Variants in CSMD3 observed in about 807,000 individuals in gnomAD.
The protein encoded by CSMD3 is CUB and sushi domain-containing protein 3.
Under a neutral mutation model 435.2 loss-of-function variants are expected in CSMD3, and 177 were observed. That is an observed-to-expected ratio of 0.41 (90% CI 0.36 to 0.46). The LOEUF (loss-of-function observed/expected upper bound fraction) is 0.46, where lower values mean the gene tolerates loss of function less well. Among genes scored for constraint, CSMD3 ranks in the 20% least tolerant of loss-of-function variants. The pLI is 0.34. For missense variants in CSMD3, 4,265 were observed against 4,504.6 expected, an observed-to-expected ratio of 0.95 and a Z score of 1.52; for synonymous variants, 1,656 against 1,520.5, an observed-to-expected ratio of 1.09 and a Z score of -2.07.
rs564510060 is a variant in CSMD3, at chr8:112,730,117, A to G, written c.1973-40067T>C. Reference sequence around the variant, plus strand: ...ATATAGTGAAACAGTAAAGAAAGCCATTTTCCATTTTGTTTTTGTTTGTGA... The same window carrying G: ...ATATAGTGAAACAGTAAAGAAAGCCGTTTTCCATTTTGTTTTTGTTTGTGA... On this transcript the variant is annotated intron_variant, in intron 13 of 70. Coordinates refer to ENST00000297405, the MANE Select transcript of CSMD3 (RefSeq NM_198123.2). Among the ~76,000 whole-genome samples the G allele has an allele frequency of 4.3e-3, 647 of 152,228 alleles. 2 individuals are homozygous for G. The highest frequency in any genetic ancestry group is 0.014 in the African/African-American group (566 of 41,578).
At chr8:112,417,412 C>A (rs2130223841) in intron 32 of CSMD3, among the ~76,000 whole-genome samples, 1 of 152,192 alleles carries the variant, frequency 6.6e-6, no homozygotes, top group East Asian at 1.9e-4. Context: ...TTAAACAGCA[C>A]CTGAAGCAGT....
chr8:112,619,291 TATC>T (rs923194309), intron 22 of CSMD3, among the ~76,000 whole-genome samples: 2 of 151,934 alleles, frequency 1.3e-5, no homozygotes, highest in South Asian at 4.2e-4. Context: ...GATTACATAT[TATC>T]ATACTGTACC....
chr8:112,772,997 C>T (rs1208871190), intron 13 of CSMD3, among the ~76,000 whole-genome samples: 1 of 151,972 alleles, frequency 6.6e-6, no homozygotes, highest in East Asian at 1.9e-4. Flanking sequence ...AGAGGCCGGT[C>T]CCAGCACAGG....
At chr8:113,275,636 T>C (rs1029611974) in intron 3 of CSMD3, among the ~76,000 whole-genome samples, 1 of 152,076 alleles carries the variant, frequency 6.6e-6, no homozygotes, top group Non-Finnish European at 1.5e-5. Context: ...TAAATGATTA[T>C]ATAGAGGAGG....
chr8:112,851,690 G>A (rs1356949808), intron 11 of CSMD3, among the ~76,000 whole-genome samples: 1 of 151,902 alleles, frequency 6.6e-6, no homozygotes, highest in Non-Finnish European at 1.5e-5. Flanking sequence ...CTTGAACCTG[G>A]GAGGCGAAGG....
At chr8:113,160,376 T>C (rs1484786943) in intron 4 of CSMD3, among the ~76,000 whole-genome samples, 2 of 151,978 alleles carry the variant, frequency 1.3e-5, no homozygotes, top group East Asian at 1.9e-4. Flanking sequence ...ATGATGGTAA[T>C]ATATTTTTAA....
At chr8:112,721,131 A>T (rs1472423236) in intron 13 of CSMD3, among the ~76,000 whole-genome samples, 1 of 151,950 alleles carries the variant, frequency 6.6e-6, no homozygotes, top group Admixed American at 6.6e-5. Context: ...CCTGTAGTAG[A>T]TCTCACAAGT....
Position 112,374,785 on chromosome 8 carries a change from G to A in CSMD3, c.6136+5567C>T, listed in dbSNP as rs76511201. On this transcript the variant is annotated intron_variant, in intron 38 of 70. Coordinates refer to ENST00000297405, the MANE Select transcript of CSMD3 (RefSeq NM_198123.2). ...GTCTTCTAATAGGTTGCCACCTTGT[G>A]GTTTTTGAAAAATACAGTTAACACA... is the stretch of plus-strand genomic sequence containing the variant. Among the ~76,000 whole-genome samples, 597 of 152,214 alleles carry A rather than the reference G, an allele frequency of 3.9e-3. 1 individual carries two copies. The highest frequency in any genetic ancestry group is 0.014 in the African/African-American group (574 of 41,556).
At chr8:112,696,726 G>A (rs2131853951) in intron 13 of CSMD3, among the ~76,000 whole-genome samples, 1 of 151,802 alleles carries the variant, frequency 6.6e-6, no homozygotes, top group South Asian at 2.1e-4. Flanking sequence ...TTGACAAATG[G>A]GATCTAATTA....
At position 112,700,662 on chromosome 8, in the gene CSMD3, CTCAGGCTCAT is replaced by C. The variant is rs569013822; in HGVS notation, c.1973-10622_1973-10613del. ...CTCCTCTTCTAATGTTACCAGTTGT[CTCAGGCTCAT>C]GCAGGCTTACGGACAGAACAACCAT... On this transcript the variant is annotated intron_variant, in intron 13 of 70. Transcript: ENST00000297405. Among the ~76,000 whole-genome samples the C allele has an allele frequency of 5.6e-4, 85 of 152,210 alleles. No individual in the cohort carries two copies. In the East Asian group the frequency reaches 0.013, roughly 24 times the overall value.
At chr8:113,195,810 T>TAC (rs1220655144) in intron 3 of CSMD3, among the ~76,000 whole-genome samples, 36 of 141,710 alleles carry the variant, frequency 2.5e-4, no homozygotes, top group African/African-American at 8.5e-4. Flanking sequence ...TATATATATA[T>TAC]ATATACACAC....
chr8:112,840,246 C>A (rs231315), intron 11 of CSMD3, among the ~76,000 whole-genome samples: 1 of 151,430 alleles, frequency 6.6e-6, no homozygotes, highest in Non-Finnish European at 1.5e-5. Context: ...AAAAGGTCAC[C>A]GGTATTTTGA....
intron 5 of CSMD3, among the ~76,000 whole-genome samples, chr8:113,026,774 C>T (rs1046996833): frequency 3.9e-5 from 6 of 151,914 alleles, no homozygotes; most frequent in Admixed American, 3.9e-4. Flanking sequence ...TATTCAAGGC[C>T]CATCTAAAAT....
chr8:112,855,521 T>C (rs886976828), intron 11 of CSMD3, among the ~76,000 whole-genome samples: 2 of 152,084 alleles, frequency 1.3e-5, no homozygotes, highest in Non-Finnish European at 2.9e-5. Flanking sequence ...TAATTAAAAT[T>C]GGCCTATAAT....
chr8:112,628,489 C>G (rs1834675868), intron 22 of CSMD3, among the ~76,000 whole-genome samples: 1 of 152,038 alleles, frequency 6.6e-6, no homozygotes, highest in Admixed American at 6.6e-5. Flanking sequence ...GACTAAACAA[C>G]AGTGTGACAG....
intron 20 of CSMD3, among the ~76,000 whole-genome samples, chr8:112,641,969 G>A (rs2131600553): frequency 6.6e-6 from 1 of 152,236 alleles, no homozygotes; most frequent in South Asian, 2.1e-4. Flanking sequence ...GATTAGACAG[G>A]AAAAGACAAC....
chr8:112,424,367 CATT>C (rs1812833781), intron 32 of CSMD3, among the ~76,000 whole-genome samples: 1 of 152,142 alleles, frequency 6.6e-6, no homozygotes. Flanking sequence ...AGCAGACTCA[CATT>C]ATCATTATCA....
intron 4 of CSMD3, among the ~76,000 whole-genome samples, chr8:113,136,747 G>A (rs2131709344): frequency 6.6e-6 from 1 of 151,720 alleles, no homozygotes; most frequent in African/African-American, 2.4e-5. Context: ...AAGGAAGATG[G>A]GTTTGAGGAA....
chr8:113,391,841 G>C (rs1483705416), intron 1 of CSMD3, among the ~76,000 whole-genome samples: 1 of 151,906 alleles, frequency 6.6e-6, no homozygotes, highest in African/African-American at 2.4e-5. Flanking sequence ...AAAAGAAGAG[G>C]AAGTAAAAAG....
Sources: allele counts gnomAD v4.1 joint callset (sites outside exome capture counted in the v4.1 genomes callset), GRCh38; gene constraint gnomAD v4.1.1; transcripts MANE v1.5; gene names NCBI Gene and HGNC (gene_info 2026-07-23, HGNC 2026-07-21).